PCNX2: variants seen among roughly 807,000 people sequenced by gnomAD.
PCNX2 encodes pecanex-like protein 2.
In PCNX2, 168 loss-of-function variants were observed where a neutral mutation model predicts 223.8. That is an observed-to-expected ratio of 0.75 (90% CI 0.66 to 0.85). PCNX2 has a LOEUF of 0.85. Among genes scored for constraint, PCNX2 ranks in the 40% least tolerant of loss-of-function variants. The probability of loss-of-function intolerance (pLI) is 0.00; values close to 1 mark genes in which losing one functional copy is unlikely to be tolerated. For synonymous variants in PCNX2, 1,006 were observed against 1,052.6 expected, an observed-to-expected ratio of 0.96 and a Z score of 0.86; for missense variants, 2,507 against 2,675.5, an observed-to-expected ratio of 0.94 and a Z score of 1.39.
At chr1:233,231,158 G>C (rs1412872879) in intron 9 of PCNX2, among the ~76,000 whole-genome samples, 1 of 152,110 alleles carries the variant, frequency 6.6e-6, no homozygotes, top group East Asian at 1.9e-4. Flanking sequence ...GCCAAAGTCT[G>C]GGCTCTTTCT....
intron 21 of PCNX2, among the ~76,000 whole-genome samples, chr1:233,116,271 C>T (rs1675402867): frequency 6.6e-6 from 1 of 152,114 alleles, no homozygotes; most frequent in South Asian, 2.1e-4. Context: ...TATAATGCAA[C>T]AAGATATGAT....
At chr1:232,989,010 A>G (rs1179549240) in intron 32 of PCNX2, among the ~76,000 whole-genome samples, 1 of 152,204 alleles carries the variant, frequency 6.6e-6, no homozygotes, top group African/African-American at 2.4e-5. Flanking sequence ...GCCTCTAGCA[A>G]GGGCTCAGGA....
intron 23 of PCNX2, among the ~76,000 whole-genome samples, chr1:233,059,992 C>G (rs905080118): frequency 1.3e-5 from 2 of 152,096 alleles, no homozygotes; most frequent in African/African-American, 4.8e-5. Context: ...AGTATTCTTT[C>G]TTTTCATGTA....
At chr1:233,269,624 T>G (rs1660525672) in intron 1 of PCNX2, among the ~76,000 whole-genome samples, 1 of 152,218 alleles carries the variant, frequency 6.6e-6, no homozygotes, top group African/African-American at 2.4e-5. Flanking sequence ...ATCAATGTGG[T>G]TAAAGTAAAT....
Position 232,984,108 on chromosome 1 carries a change from ATT to A in PCNX2, c.*194_*195del, listed in dbSNP as rs373209360. The A allele has an allele frequency of 1.9e-3, 254 of 135,136 alleles. 2 individuals carry two copies. The highest frequency in any genetic ancestry group is 6.7e-3 in the African/African-American group (104 of 15,452). The allele number at this position is 135,136 out of a possible 1,614,324, so 8.4% of individuals were successfully genotyped here. On this transcript the variant is annotated 3_prime_UTR_variant, in exon 34 of 34. Transcript: ENST00000258229. ...GAGGTTTTTTTGTTGTTGTTGTTTGATTTTTTTTTTTTTTTTTTTTTTTTTTT... is the reference window on the plus strand; with the variant it reads ...GAGGTTTTTTTGTTGTTGTTGTTTGATTTTTTTTTTTTTTTTTTTTTTTTT...
intron 17 of PCNX2, among the ~76,000 whole-genome samples, chr1:233,175,573 C>A (rs954246431): frequency 1.6e-4 from 24 of 152,160 alleles, no homozygotes; most frequent in African/African-American, 5.8e-4. Flanking sequence ...TTTGGGTAGA[C>A]TCTGGGCCAC....
chr1:233,008,832 T>C (rs908692752), intron 28 of PCNX2, among the ~76,000 whole-genome samples: 4 of 152,176 alleles, frequency 2.6e-5, no homozygotes, highest in Non-Finnish European at 5.9e-5. Flanking sequence ...ATGATGCCTG[T>C]AGCAGGTGCT....
chr1:233,263,059 G>C lies in PCNX2; in HGVS notation c.258C>G (p.Asp86Glu). ...GCTTTTGCTGAATTACTTCTCCTTT[G>C]TCAAACATGAGGTGTAGGCGATAAC... The part of the protein sequence containing the change: ...LVSYRLHLMF[D>E]KGEVIQQKPS... The change falls in exon 2 of 34, where the codon GAC becomes GAG. Residue 86 changes from aspartate (D) to glutamate (E), a missense_variant. Physicochemically the swap from Asp to Glu is conservative, Grantham distance 45. Transcript: ENST00000258229. 6.2e-7 allele frequency: 1 copy of C among 1,613,606 alleles called. No individual in the cohort carries two copies. The highest frequency in any genetic ancestry group is 1.7e-4 in the Middle Eastern group (1 of 6,056).
At chr1:233,276,108 T>C (rs1660899274) in intron 1 of PCNX2, among the ~76,000 whole-genome samples, 1 of 152,122 alleles carries the variant, frequency 6.6e-6, no homozygotes, top group Non-Finnish European at 1.5e-5. Context: ...CAAAATGTGG[T>C]CTATACATAC....
intron 19 of PCNX2, among the ~76,000 whole-genome samples, chr1:233,150,522 TA>T (rs979616469): frequency 1.3e-5 from 2 of 152,220 alleles, no homozygotes; most frequent in Non-Finnish European, 2.9e-5. Flanking sequence ...TTCATTTGTT[TA>T]ATTAGTGGGT....
intron 31 of PCNX2, 134 bp downstream of exon 31, chr1:232,998,971 C>T (rs750701450): frequency 1.6e-4 from 158 of 1,007,626 alleles, no homozygotes; most frequent in Admixed American, 3.9e-4. Flanking sequence ...TTCGATGCCA[C>T]TTGGGGGTAG....
chr1:233,317,557 C>T, the PCNX2 span, among the ~76,000 whole-genome samples: 2 of 151,868 alleles, frequency 1.3e-5, no homozygotes, highest in South Asian at 2.1e-4. Context: ...ACTTGAGAGT[C>T]TTGGAAGTTA....
rs1676959313 is a variant in PCNX2, at chr1:233,139,070, C to A, written c.3659+644G>T. Among the ~76,000 whole-genome samples, 1 of 152,218 alleles carries A rather than the reference C, an allele frequency of 6.6e-6. No homozygotes were observed. The highest frequency in any genetic ancestry group is 2.1e-4 in the South Asian group (1 of 4,830). On this transcript the variant is annotated intron_variant, in intron 20 of 33. Coordinates refer to ENST00000258229, the MANE Select transcript of PCNX2 (RefSeq NM_014801.4). The surrounding 1 kb of genome is among the most constrained non-coding windows in gnomAD (Gnocchi z 4.4). ...TTATATCCTCCTACTCTAACAACTT[C>A]TTTGACCAGCAACTTTTGCCTTTCA...
At chr1:233,273,619 G>A (rs960289770) in intron 1 of PCNX2, among the ~76,000 whole-genome samples, 59 of 145,730 alleles carry the variant, frequency 4.0e-4, no homozygotes, top group Admixed American at 8.2e-4. Flanking sequence ...TAAAAGAGAA[G>A]CTCTTTTGGC....
At chr1:233,183,893 G>A (rs1035789329) in intron 15 of PCNX2, among the ~76,000 whole-genome samples, 23 of 152,190 alleles carry the variant, frequency 1.5e-4, no homozygotes, top group African/African-American at 5.1e-4. Context: ...TCCGCTGCAG[G>A]GGCTTCTGGA....
Position 232,999,217 on chromosome 1 carries a change from C to T in PCNX2, c.5491G>A (p.Val1831Ile). ...AGGTAGGATGTGGTTAGTGGGGAGA[C>T]ATACATGGGGTACCCCAGGGGCTGA... is the stretch of plus-strand genomic sequence containing the variant. ...CDQPLGYPMY[V>I]SPLTTSYLGT... The change falls in exon 31 of 34, where the codon GTC becomes ATC. Residue 1831 changes from valine to isoleucine, a missense_variant. This residue lies in a region of PCNX2 where 1,372 missense variants were observed against 1,509.4 expected (regional missense o/e 0.91). Transcript: ENST00000258229. 3 of 1,613,908 alleles carry T rather than the reference C, an allele frequency of 1.9e-6. No individual in the cohort carries two copies. The highest frequency in any genetic ancestry group is 2.5e-6 in the Non-Finnish European group (3 of 1,179,862).
chr1:233,177,042 T>TA (rs1041126137), intron 17 of PCNX2, among the ~76,000 whole-genome samples: 3 of 152,086 alleles, frequency 2.0e-5, no homozygotes, highest in Admixed American at 2.0e-4. Context: ...AAAGGGCTTG[T>TA]AAAAAAATAA....
intron 17 of PCNX2, among the ~76,000 whole-genome samples, 194 bp downstream of exon 17, chr1:233,177,608 C>A (rs1679553074): frequency 6.6e-6 from 1 of 152,198 alleles, no homozygotes; most frequent in Admixed American, 6.5e-5. Context: ...CTTTACAGCA[C>A]CGGAGAGCAA....
rs772172650 is a variant in PCNX2 at position 233,161,383 on chromosome 1, G to A, written c.3274-20C>T. ...ATCCGTCTGGAAAGAGAAAACCAGC[G>A]GTAAAGGCGACTCTTCATTTCTCTC... On this transcript the variant is annotated intron_variant, in intron 17 of 33. Transcript: ENST00000258229. The A allele has an allele frequency of 2.2e-5, 35 of 1,602,296 alleles. No individual in the cohort carries two copies. The highest frequency in any genetic ancestry group is 1.7e-4 in the Middle Eastern group (1 of 5,880).
Sources: gnomAD v4.1 joint callset for allele counts (sites outside exome capture counted in the v4.1 genomes callset) on GRCh38, gnomAD v4.1.1 for gene constraint, gnomAD v4.1.1 regional missense constraint, Gnocchi (gnomAD v3.1) non-coding constraint, MANE v1.5 for transcripts, NCBI Gene and HGNC (gene_info 2026-07-23, HGNC 2026-07-21) for gene names.